The following ERBB4 variants were observed in gnomAD, a reference collection of about 807,000 sequenced individuals.
The protein encoded by ERBB4 is receptor tyrosine-protein kinase erbB-4.
In ERBB4, 42 loss-of-function variants were observed where a neutral mutation model predicts 158.0. The observed-to-expected ratio is 0.27, with a 90% CI of 0.21 to 0.34. The LOEUF (loss-of-function observed/expected upper bound fraction) is 0.34, where lower values mean the gene tolerates loss of function less well. Among genes scored for constraint, ERBB4 ranks in the 10% least tolerant of loss-of-function variants. The probability of loss-of-function intolerance (pLI) is 1.00; values close to 1 mark genes in which losing one functional copy is unlikely to be tolerated. For missense variants in ERBB4, 1,333 were observed against 1,624.1 expected (o/e 0.82, Z 3.08); for synonymous variants, 583 against 558.7 (o/e 1.04, Z -0.61).
intron 25 of ERBB4, among the ~76,000 whole-genome samples, chr2:211,402,536 T>C (rs1416970885): frequency 3.9e-5 from 6 of 152,006 alleles, no homozygotes; most frequent in Non-Finnish European, 8.8e-5. Context: ...GAAGGTAAAT[T>C]ATGCAGGAGG....
intron 25 of ERBB4, among the ~76,000 whole-genome samples, chr2:211,407,042 T>C (rs1354065942): frequency 2.0e-5 from 3 of 152,094 alleles, no homozygotes; most frequent in African/African-American, 7.2e-5. Context: ...ATCACCCCAC[T>C]GTACTCTGGC....
chr2:212,003,185 G>GA (rs1166235521), intron 2 of ERBB4, among the ~76,000 whole-genome samples: 2,378 of 66,138 alleles, frequency 0.036, 119 homozygotes, highest in Admixed American at 0.075. Flanking sequence ...AAGAAAGAAA[G>GA]AAAGAAAGAA....
At chr2:211,981,482 T>C (rs2081795219) in intron 2 of ERBB4, among the ~76,000 whole-genome samples, 1 of 152,206 alleles carries the variant, frequency 6.6e-6, no homozygotes, top group African/African-American at 2.4e-5. Context: ...TTCTTTTGTA[T>C]GGCATTCAAG....
At chr2:211,851,091 C>A (rs1038830044) in intron 3 of ERBB4, among the ~76,000 whole-genome samples, 41 of 151,786 alleles carry the variant, frequency 2.7e-4, no homozygotes, top group African/African-American at 8.9e-4. Flanking sequence ...AACCAGCCTG[C>A]AATAAAACTA....
rs772917832 is a variant in ERBB4 at position 211,947,609 on chromosome 2, C to T, written c.242G>A (p.Arg81Gln). 2.8e-5 allele frequency: 45 copies of T among 1,613,094 alleles called. No homozygotes were observed. Among genetic ancestry groups the T allele is most frequent in the Non-Finnish European group, 3.7e-5 (44 of 1,179,610 alleles). The change falls in exon 3 of 28, where the codon CGA becomes CAA. Residue 81 changes from arginine (R) to glutamine (Q), a missense_variant. Arg to Gln is a conservative substitution (Grantham distance 43). Around this residue, in one of 5 missense-constraint regions of ERBB4, gnomAD observed 438 missense variants for 586.9 expected, o/e 0.75. Coordinates refer to ENST00000342788, the MANE Select transcript of ERBB4 (RefSeq NM_005235.3). ...NRDLSFLRSV[R>Q]EVTGYVLVAL... is the part of the protein sequence containing the mutation. ...CACTAACACGTAGCCTGTGACTTCT[C>T]GAACAGACTGAAAAGACACAAACAG...
At chr2:211,772,908 T>TACACAC (rs200843814) in intron 4 of ERBB4, among the ~76,000 whole-genome samples, 10 of 61,318 alleles carry the variant, frequency 1.6e-4, no homozygotes, top group Admixed American at 9.5e-4. Flanking sequence ...CATATATATA[T>TACACAC]ACACACACAC....
At chr2:211,526,577 C>T (rs112621582) in intron 20 of ERBB4, among the ~76,000 whole-genome samples, 1 of 151,972 alleles carries the variant, frequency 6.6e-6, no homozygotes, top group Admixed American at 6.6e-5. Context: ...AGACAGTGAT[C>T]CCACCAAATA....
intron 2 of ERBB4, among the ~76,000 whole-genome samples, chr2:211,987,096 G>A (rs1360137095): frequency 6.6e-6 from 1 of 152,002 alleles, no homozygotes; most frequent in Non-Finnish European, 1.5e-5. Flanking sequence ...CGAGGTGGCT[G>A]GATCACCTGA....
intron 1 of ERBB4, among the ~76,000 whole-genome samples, chr2:212,478,117 C>T (rs1689500585): frequency 6.6e-6 from 1 of 152,046 alleles, no homozygotes; most frequent in Non-Finnish European, 1.5e-5. Flanking sequence ...GTTCATTATT[C>T]TGTAATATTC....
intron 2 of ERBB4, among the ~76,000 whole-genome samples, chr2:212,040,489 C>T (rs1396743509): frequency 6.6e-6 from 1 of 152,122 alleles, no homozygotes. Flanking sequence ...TTGCAGCTTG[C>T]TATCTCAAAC....
intron 3 of ERBB4, among the ~76,000 whole-genome samples, chr2:211,852,120 G>T (rs1575247875): frequency 6.6e-6 from 1 of 151,596 alleles, no homozygotes; most frequent in Non-Finnish European, 1.5e-5. Context: ...AGTCTCTTTT[G>T]GGCTTTGAAT....
At chr2:212,515,286 A>T (rs919936600) in intron 1 of ERBB4, among the ~76,000 whole-genome samples, 1 of 152,156 alleles carries the variant, frequency 6.6e-6, no homozygotes, top group African/African-American at 2.4e-5. Flanking sequence ...CGTACATGAG[A>T]GCAGGTTGGA....
At chr2:212,287,789 T>C (rs578014632) in intron 1 of ERBB4, among the ~76,000 whole-genome samples, 1 of 152,282 alleles carries the variant, frequency 6.6e-6, no homozygotes, top group Admixed American at 6.5e-5. Context: ...TTGGAAGCCA[T>C]TATCCTGAGC....
chr2:211,776,844 G>C (rs1307665244), intron 4 of ERBB4, among the ~76,000 whole-genome samples: 4 of 152,194 alleles, frequency 2.6e-5, no homozygotes, highest in South Asian at 4.1e-4. Flanking sequence ...TTAGTATTAG[G>C]GCAGAGGTTT....
intron 2 of ERBB4, among the ~76,000 whole-genome samples, chr2:212,075,486 C>T (rs2078247112): frequency 6.6e-6 from 1 of 151,904 alleles, no homozygotes; most frequent in Non-Finnish European, 1.5e-5. Context: ...CTGAAGTAAA[C>T]TGCATATTAG....
intron 1 of ERBB4, among the ~76,000 whole-genome samples, chr2:212,522,445 C>T (rs1443761654): frequency 6.7e-6 from 1 of 149,490 alleles, no homozygotes; most frequent in East Asian, 1.9e-4. Flanking sequence ...ATAAGTAAAA[C>T]GTTGAATAGC....
At chr2:211,589,990 A>T (rs1388958229) in intron 19 of ERBB4, among the ~76,000 whole-genome samples, 1 of 152,210 alleles carries the variant, frequency 6.6e-6, no homozygotes, top group Non-Finnish European at 1.5e-5. Flanking sequence ...GAAGTTAATG[A>T]TGTTAATCAT....
intron 19 of ERBB4, among the ~76,000 whole-genome samples, chr2:211,581,991 CAG>C (rs1313929965): frequency 6.6e-6 from 1 of 151,862 alleles, no homozygotes; most frequent in Non-Finnish European, 1.5e-5. Context: ...GCCTAGGTGA[CAG>C]AGTGAGACTC....
At chr2:212,233,963 T>TTTATTATTATTA (rs60130196) in intron 1 of ERBB4, among the ~76,000 whole-genome samples, 1 of 143,812 alleles carries the variant, frequency 7.0e-6, no homozygotes, top group African/African-American at 2.6e-5. Flanking sequence ...CTTTGCATTA[T>TTTATTATTATTA]TTATTATTAT....
Sources: gnomAD v4.1 joint callset for allele counts (sites outside exome capture counted in the v4.1 genomes callset) on GRCh38, gnomAD v4.1.1 for gene constraint, gnomAD v4.1.1 regional missense constraint, MANE v1.5 for transcripts, NCBI Gene and HGNC (gene_info 2026-07-23, HGNC 2026-07-21) for gene names.